GXYLT1: variants seen among roughly 807,000 people sequenced by gnomAD.
GXYLT1 encodes the protein glucoside xylosyltransferase 1.
A neutral mutation model predicts 54.0 loss-of-function variants in GXYLT1; 29 were observed. The observed-to-expected ratio is 0.54, with a 90% CI of 0.40 to 0.73. The LOEUF (loss-of-function observed/expected upper bound fraction) is 0.73, where lower values mean the gene tolerates loss of function less well. GXYLT1 is among the 30% of genes least tolerant of loss of function. The pLI is 0.00. For missense variants in GXYLT1, 490 were observed against 553.4 expected (o/e 0.89, Z 1.15); for synonymous variants, 176 against 204.1 (o/e 0.86, Z 1.17).
At chr12:42,120,062 A>T (rs1443145950) in intron 2 of GXYLT1, among the ~76,000 whole-genome samples, 1 of 152,104 alleles carries the variant, frequency 6.6e-6, no homozygotes, top group Non-Finnish European at 1.5e-5. Flanking sequence ...TCAGAGCTTA[A>T]CTCTCTCAAG....
chr12:42,103,619 A>C (rs919211359), intron 5 of GXYLT1, among the ~76,000 whole-genome samples: 1 of 152,226 alleles, frequency 6.6e-6, no homozygotes, highest in Non-Finnish European at 1.5e-5. Context: ...ATTTTGCAGG[A>C]CCATCTCGAC....
chr12:42,117,183 A>T (rs2065501124), intron 3 of GXYLT1, among the ~76,000 whole-genome samples: 1 of 151,920 alleles, frequency 6.6e-6, no homozygotes, highest in Non-Finnish European at 1.5e-5. Context: ...ATGCTAAATG[A>T]TGAGTTAATG....
intron 1 of GXYLT1, among the ~76,000 whole-genome samples, 192 bp downstream of exon 1, chr12:42,144,234 A>G (rs1236271185): frequency 1.3e-5 from 2 of 152,232 alleles, no homozygotes; most frequent in Non-Finnish European, 2.9e-5. Context: ...CAGAAAGTGT[A>G]GGACACTCTC....
At chr12:42,116,922 T>C (rs1018131724) in intron 3 of GXYLT1, among the ~76,000 whole-genome samples, 3 of 152,124 alleles carry the variant, frequency 2.0e-5, no homozygotes, top group Non-Finnish European at 2.9e-5. Context: ...ATGTGGCATA[T>C]ATACACCATG....
At chr12:42,096,562 G>A (rs1458179869) in intron 7 of GXYLT1, among the ~76,000 whole-genome samples, 12 of 152,152 alleles carry the variant, frequency 7.9e-5, no homozygotes, top group Non-Finnish European at 1.8e-4. Flanking sequence ...AAAAGGGAGC[G>A]ATCTTCCTTA....
At chr12:42,128,131 G>T (rs1306373937) in intron 2 of GXYLT1, among the ~76,000 whole-genome samples, 1 of 152,220 alleles carries the variant, frequency 6.6e-6, no homozygotes, top group Non-Finnish European at 1.5e-5. Flanking sequence ...GAAAGATGTT[G>T]ACCAAAGAAT....
rs1023440095 is a variant in GXYLT1, at chr12:42,097,842, G to A, written c.988+68C>T. 5.7e-5 allele frequency: 70 copies of A among 1,222,954 alleles called. No individual in the cohort carries two copies. In the South Asian group the frequency reaches 9.3e-4, roughly 16 times the overall value. 75.8% of individuals were successfully genotyped at this position (1,222,954 alleles called of 1,614,324 possible). On this transcript the variant is annotated intron_variant, in intron 6 of 7. Coordinates refer to ENST00000398675, the MANE Select transcript of GXYLT1 (RefSeq NM_173601.2). ...ATAAGACAGAATCAGATAAGTGCAT[G>A]TTTTCCTTTTTCACTAAGTATTATC...
At position 42,097,476 on chromosome 12, in the gene GXYLT1, G is replaced by C. The variant is rs771608825; in HGVS notation, c.1127C>G (p.Pro376Arg). 57 of 1,597,852 alleles carry C rather than the reference G, an allele frequency of 3.6e-5. No homozygotes were observed. Among genetic ancestry groups the C allele is most frequent in the Non-Finnish European group, 4.2e-5 (49 of 1,176,272 alleles). ...NRGVYHDDKQ[P>R]AFRAVYEALR... ...TGCTTCATAAACAGCTCTAAATGCT[G>C]GTTGCTTATCGTCATGGTAAACACC... is the stretch of plus-strand genomic sequence containing the variant. Residue 376 changes from proline to arginine, a missense_variant, in exon 7 of 8, where the codon CCA becomes CGA. Physicochemically the swap from Pro to Arg is moderately radical, Grantham distance 103. Transcript: ENST00000398675.
intron 4 of GXYLT1, among the ~76,000 whole-genome samples, chr12:42,107,474 T>C (rs2065427965): frequency 6.6e-6 from 1 of 152,162 alleles, no homozygotes; most frequent in South Asian, 2.1e-4. Context: ...GCAGATCACC[T>C]GAGGTCAGGG....
Position 42,144,572 on chromosome 12 carries a change from C to A in GXYLT1, c.75G>T (p.Gln25His), listed in dbSNP as rs866426547. The A allele has an allele frequency of 2.0e-6, 3 of 1,466,606 alleles. No individual in the cohort carries two copies. The highest frequency in any genetic ancestry group is 2.9e-5 in the African/African-American group (2 of 69,078). 90.8% of individuals were successfully genotyped at this position (1,466,606 alleles called of 1,614,324 possible). ...GFCSLLYAFS[Q>H]LAVSLEEGTG... is the part of the protein sequence containing the mutation. ...TTCCTTCTTCCAGGGACACGGCGAG[C>A]TGGCTGAAAGCGTAAAGGAGCGAGC... The change falls in exon 1 of 8, where the codon CAG becomes CAT. Residue 25 changes from glutamine (Q) to histidine (H), a missense_variant. Gln to His is a conservative substitution (Grantham distance 24, BLOSUM62 0). Coordinates refer to ENST00000398675, the MANE Select transcript of GXYLT1 (RefSeq NM_173601.2).
At chr12:42,095,749 T>C (rs1027065429) in intron 7 of GXYLT1, among the ~76,000 whole-genome samples, 1 of 152,102 alleles carries the variant, frequency 6.6e-6, no homozygotes, top group Admixed American at 6.6e-5. Context: ...TCAACAAAGA[T>C]AGTGGAAAAA....
At chr12:42,089,155 G>T (rs1335236716) in intron 7 of GXYLT1, among the ~76,000 whole-genome samples, 3 of 151,892 alleles carry the variant, frequency 2.0e-5, no homozygotes, top group East Asian at 3.9e-4. Flanking sequence ...AAAAAGAGAT[G>T]GGGAAACTTA....
At chr12:42,112,848 C>A (rs1236593552) in intron 3 of GXYLT1, among the ~76,000 whole-genome samples, 1 of 150,946 alleles carries the variant, frequency 6.6e-6, no homozygotes, top group Non-Finnish European at 1.5e-5. Flanking sequence ...GTCAGATTCA[C>A]CAAAGTTGAA....
At chr12:42,108,957 A>G (rs2065436228) in intron 4 of GXYLT1, among the ~76,000 whole-genome samples, 1 of 152,198 alleles carries the variant, frequency 6.6e-6, no homozygotes, top group Non-Finnish European at 1.5e-5. Context: ...AATCAAATCA[A>G]AATGAAAGAG....
intron 3 of GXYLT1, among the ~76,000 whole-genome samples, chr12:42,117,503 T>G (rs1252410405): frequency 6.6e-6 from 1 of 152,058 alleles, no homozygotes; most frequent in African/African-American, 2.4e-5. Flanking sequence ...ATTTTTGCAC[T>G]TGACATGCAA....
intron 7 of GXYLT1, among the ~76,000 whole-genome samples, chr12:42,091,198 G>A (rs929323816): frequency 6.6e-6 from 1 of 152,000 alleles, no homozygotes; most frequent in African/African-American, 2.4e-5. Context: ...TCATTAAGTT[G>A]AAAAATGAAT....
At chr12:42,088,239 G>C (rs768399654) in intron 7 of GXYLT1, among the ~76,000 whole-genome samples, 1 of 151,716 alleles carries the variant, frequency 6.6e-6, no homozygotes, top group Admixed American at 6.6e-5. Context: ...CGAGTATCTC[G>C]GTGAAACTAA....
At chr12:42,132,820 A>T (rs888036672) in intron 1 of GXYLT1, among the ~76,000 whole-genome samples, 46 of 151,992 alleles carry the variant, frequency 3.0e-4, no homozygotes, top group Admixed American at 3.0e-3. Flanking sequence ...TGACGAAGCC[A>T]CAGACATGAG....
intron 2 of GXYLT1, among the ~76,000 whole-genome samples, chr12:42,123,631 TG>T (rs896062215): frequency 2.0e-5 from 3 of 152,136 alleles, no homozygotes; most frequent in African/African-American, 4.8e-5. Flanking sequence ...ATAACTTTTT[TG>T]ATTTTGTTTT....
Sources: allele counts gnomAD v4.1 joint callset (sites outside exome capture counted in the v4.1 genomes callset), GRCh38; gene constraint gnomAD v4.1.1; transcripts MANE v1.5; gene names NCBI Gene and HGNC (gene_info 2026-07-23, HGNC 2026-07-21).